NBAS: variants seen among roughly 807,000 people sequenced by gnomAD.
NBAS encodes NAG/BC035112 fusion.
In NBAS, 219 loss-of-function variants were observed where a neutral mutation model predicts 302.5. The observed-to-expected ratio is 0.72, with a 90% CI of 0.65 to 0.81. NBAS has a LOEUF of 0.81. Among genes scored for constraint, NBAS ranks in the 30% least tolerant of loss-of-function variants. The pLI is 0.00. For synonymous variants in NBAS, 1,118 were observed against 1,021.6 expected, an observed-to-expected ratio of 1.09 and a Z score of -1.80; for missense variants, 2,932 against 2,841.6, an observed-to-expected ratio of 1.03 and a Z score of -0.72.
At chr2:15,534,451 A>G (rs1391115326) in intron 9 of NBAS, 92 bp downstream of exon 9, 2 of 917,244 alleles carry the variant, frequency 2.2e-6, no homozygotes, top group Non-Finnish European at 3.7e-6. Flanking sequence ...GGAAATTAAG[A>G]AGTCAACATA....
chr2:14,862,817 C>T, the NBAS span, among the ~76,000 whole-genome samples: 1 of 152,178 alleles, frequency 6.6e-6, no homozygotes, highest in Non-Finnish European at 1.5e-5. Flanking sequence ...CACAACACAA[C>T]CCAATGGCAG....
intron 16 of NBAS, among the ~76,000 whole-genome samples, chr2:15,471,013 A>C (rs984327889): frequency 3.9e-5 from 6 of 152,190 alleles, no homozygotes. Context: ...AGCCACATTT[A>C]TGCCTGTCCT....
intron 9 of NBAS, among the ~76,000 whole-genome samples, chr2:15,519,961 T>TA (rs1162568009): frequency 6.6e-6 from 1 of 152,210 alleles, no homozygotes; most frequent in Non-Finnish European, 1.5e-5. Context: ...GATTAATTAT[T>TA]AAAGACAAAA....
At chr2:15,497,757 T>C (rs1681121981) in intron 11 of NBAS, among the ~76,000 whole-genome samples, 1 of 152,142 alleles carries the variant, frequency 6.6e-6, no homozygotes, top group African/African-American at 2.4e-5. Flanking sequence ...ATTTTATACA[T>C]TAAGAAGTAT....
intron 21 of NBAS, among the ~76,000 whole-genome samples, chr2:15,442,837 C>T (rs1338613685): frequency 1.3e-5 from 2 of 151,784 alleles, no homozygotes; most frequent in Admixed American, 1.3e-4. Context: ...ACCGATCCCA[C>T]AGAAATACAA....
the NBAS span, among the ~76,000 whole-genome samples, chr2:14,982,057 G>A: frequency 6.6e-6 from 1 of 152,176 alleles, no homozygotes; most frequent in South Asian, 2.1e-4. Context: ...AAGAAGCCTT[G>A]CAGATTTCCT....
chr2:15,340,702 T>C (rs1034778962), intron 35 of NBAS, among the ~76,000 whole-genome samples: 1 of 151,998 alleles, frequency 6.6e-6, no homozygotes, highest in Non-Finnish European at 1.5e-5. Context: ...GACTATGACC[T>C]AGGGTATCTA....
At chr2:15,264,085 G>C (rs1258241514) in intron 44 of NBAS, among the ~76,000 whole-genome samples, 2 of 152,204 alleles carry the variant, frequency 1.3e-5, no homozygotes, top group African/African-American at 4.8e-5. Context: ...AGAAAGAATG[G>C]AAGAGCAAAG....
chr2:15,505,754 G>GA (rs938077908), intron 10 of NBAS, among the ~76,000 whole-genome samples: 2 of 152,080 alleles, frequency 1.3e-5, no homozygotes, highest in Non-Finnish European at 2.9e-5. Context: ...AATTATGGCT[G>GA]AAAAAACAAC....
At chr2:15,200,971 C>A (rs1206168809) in intron 48 of NBAS, among the ~76,000 whole-genome samples, 8 of 152,152 alleles carry the variant, frequency 5.3e-5, no homozygotes, top group Non-Finnish European at 1.0e-4. Flanking sequence ...GTTATTAATA[C>A]ATTTAAAAGT....
chr2:14,800,061 A>G, the NBAS span, among the ~76,000 whole-genome samples: 1 of 152,204 alleles, frequency 6.6e-6, no homozygotes, highest in Non-Finnish European at 1.5e-5. Context: ...TGTGCTTATC[A>G]CTATGGTTGA....
At chr2:14,806,064 T>A in the NBAS span, among the ~76,000 whole-genome samples, 1 of 152,204 alleles carries the variant, frequency 6.6e-6, no homozygotes, top group African/African-American at 2.4e-5. Flanking sequence ...CTCTCAAATT[T>A]TAGAGTGCAT....
the NBAS span, among the ~76,000 whole-genome samples, chr2:15,145,081 TA>T: frequency 6.6e-6 from 1 of 152,076 alleles, no homozygotes; most frequent in African/African-American, 2.4e-5. Flanking sequence ...ATCCAATTTT[TA>T]ATTTAGATAG....
At chr2:14,888,566 T>C in the NBAS span, among the ~76,000 whole-genome samples, 1 of 152,114 alleles carries the variant, frequency 6.6e-6, no homozygotes, top group African/African-American at 2.4e-5. Context: ...TGGGTTTAAG[T>C]TGAAGAAAAT....
chr2:15,336,484 AGCACTTT>A (rs1023356496), intron 35 of NBAS, among the ~76,000 whole-genome samples: 1 of 152,214 alleles, frequency 6.6e-6, no homozygotes, highest in African/African-American at 2.4e-5. Flanking sequence ...CTGTAATCCC[AGCACTTT>A]GGGAGGCTGA....
chr2:15,459,729 T>C (rs1679424830), intron 21 of NBAS, among the ~76,000 whole-genome samples: 1 of 152,168 alleles, frequency 6.6e-6, no homozygotes, highest in Admixed American at 6.5e-5. Flanking sequence ...TCCACCCACC[T>C]CGGCCTCCCA....
At chr2:15,144,063 ATATATC>A in the NBAS span, among the ~76,000 whole-genome samples, 215 of 125,754 alleles carry the variant, frequency 1.7e-3, 4 homozygotes, top group African/African-American at 4.5e-3. Context: ...ATATATATAT[ATATATC>A]TCCCATTAGT....
At chr2:15,364,685 A>G (rs1380114423) in intron 32 of NBAS, among the ~76,000 whole-genome samples, 1 of 152,124 alleles carries the variant, frequency 6.6e-6, no homozygotes, top group Non-Finnish European at 1.5e-5. Context: ...AGACACCTGT[A>G]AAGCCCTATA....
chr2:15,313,708 T>A (rs2148176959), intron 38 of NBAS, among the ~76,000 whole-genome samples: 1 of 152,368 alleles, frequency 6.6e-6, no homozygotes, highest in South Asian at 2.1e-4. Context: ...GAAATGCTGT[T>A]GAGCTTGTGC....
Sources: allele counts gnomAD v4.1 joint callset (sites outside exome capture counted in the v4.1 genomes callset), GRCh38; gene constraint gnomAD v4.1.1; transcripts MANE v1.5; gene names NCBI Gene and HGNC (gene_info 2026-07-23, HGNC 2026-07-21).